The following RUVBL2 variants were observed in gnomAD, a reference collection of about 807,000 sequenced individuals.
The protein encoded by RUVBL2 is RuvB like AAA ATPase 2, also known as ruvB-like 2.
RUVBL2 carries 9 observed loss-of-function variants against 57.9 expected under a neutral mutation model. The ratio of observed to expected loss-of-function variants is 0.16; its 90% CI spans 0.09 to 0.27. The LOEUF (loss-of-function observed/expected upper bound fraction) is 0.27, where lower values mean the gene tolerates loss of function less well. Among genes scored for constraint, RUVBL2 ranks in the 10% least tolerant of loss-of-function variants. The pLI, the probability that RUVBL2 is intolerant of heterozygous loss-of-function variation, is 1.00. For missense variants in RUVBL2, 456 were observed against 669.6 expected (o/e 0.68, Z 3.52); for synonymous variants, 278 against 264.6 (o/e 1.05, Z -0.49).
chr19:49,011,454 G>A lies in RUVBL2; in HGVS notation c.1001+144G>A, dbSNP rs533664020. 3 of 656,718 alleles carry A rather than the reference G, an allele frequency of 4.6e-6. No individual in the cohort carries two copies. Among genetic ancestry groups the A allele is most frequent in the Non-Finnish European group, 7.9e-6 (3 of 377,394 alleles). The allele number at this position is 656,718 out of a possible 1,614,324, so 40.7% of individuals were successfully genotyped here. A position where few individuals can be genotyped will look rare whatever the true frequency, so the allele number is the denominator to read the frequency against. On this transcript the variant is annotated intron_variant, in intron 11 of 14. Coordinates refer to ENST00000595090, the MANE Select transcript of RUVBL2 (RefSeq NM_006666.3). This position sits in a 1 kb window ranked among gnomAD's most constrained non-coding sequence, Gnocchi z 4.4. ...TGCGCTCTTTGCTTACAAAAGGCGG[G>A]TGGGAGGCAGCTCTGCTTCCCGAGG...
In RUVBL2 at chr19:49,010,581, C is replaced by A; in HGVS notation, c.757C>A (p.Arg253Ser). The A allele has an allele frequency of 6.3e-7, 1 of 1,592,366 alleles. No homozygotes were observed. The highest frequency in any genetic ancestry group is 8.6e-7 in the Non-Finnish European group (1 of 1,166,124). The change falls in exon 9 of 15, where the codon CGC becomes AGC. Residue 253 changes from arginine to serine, a missense_variant. Coordinates refer to ENST00000595090, the MANE Select transcript of RUVBL2 (RefSeq NM_006666.3). Reference protein sequence around the residue: ...SLHEIDVINSRTQGFLALFSG... With the variant: ...SLHEIDVINSSTQGFLALFSG... Reference sequence around the variant, plus strand: ...GCACGAGATCGACGTCATCAACTCTCGCACCCAGGGCTTCCTGGCGCTCTT... The same window carrying A: ...GCACGAGATCGACGTCATCAACTCTAGCACCCAGGGCTTCCTGGCGCTCTT...
intron 1 of RUVBL2, among the ~76,000 whole-genome samples, chr19:48,997,345 C>T (rs146591955): frequency 4.1e-4 from 62 of 152,140 alleles, no homozygotes; most frequent in Non-Finnish European, 7.4e-4. Flanking sequence ...CATTCCTGGC[C>T]GGGCGCGGTG....
At chr19:49,010,859 G>C in intron 9 of RUVBL2, 140 bp from the exon 10 acceptor site, 1 of 875,412 alleles carries the variant, frequency 1.1e-6, no homozygotes, top group Non-Finnish European at 1.8e-6. Context: ...CCTCTTTGGG[G>C]ATGTTTCAGG....
intron 11 of RUVBL2, among the ~76,000 whole-genome samples, chr19:49,013,252 GC>G (rs2039471065): frequency 6.6e-6 from 1 of 150,924 alleles, no homozygotes; most frequent in South Asian, 2.1e-4. Context: ...GTGAGTCACC[GC>G]GTCCGGCCTA....
rs1210591910 is a variant in RUVBL2, at chr19:49,011,404, C to A, written c.1001+94C>A. The A allele has an allele frequency of 1.0e-6, 1 of 997,320 alleles. No homozygotes were observed. Among genetic ancestry groups the A allele is most frequent in the Non-Finnish European group, 1.6e-6 (1 of 639,220 alleles). The allele number at this position is 997,320 out of a possible 1,614,324, so 61.8% of individuals were successfully genotyped here. The stretch of plus-strand genomic sequence containing the variant: ...ATGGGAGCCTGTGTTGACACCGGGT[C>A]AGGGAGGGACGCGTGACTGCAGTGT... On this transcript the variant is annotated intron_variant, in intron 11 of 14. Coordinates refer to ENST00000595090, the MANE Select transcript of RUVBL2 (RefSeq NM_006666.3). The surrounding 1 kb of genome is among the most constrained non-coding windows in gnomAD (Gnocchi z 4.4).
chr19:48,996,350 C>T (rs189924577), intron 1 of RUVBL2, among the ~76,000 whole-genome samples: 62 of 152,210 alleles, frequency 4.1e-4, no homozygotes, highest in African/African-American at 1.4e-3. Context: ...AAGACAGAGT[C>T]TCACTCTGTC....
chr19:49,009,683 C>A, intron 6 of RUVBL2, 93 bp from the exon 7 acceptor site: 1 of 1,095,246 alleles, frequency 9.1e-7, no homozygotes, highest in Non-Finnish European at 1.4e-6. Flanking sequence ...AAGCAGAGGC[C>A]AGAGCAGAGC....
rs2039298208 is a variant in RUVBL2 at position 49,007,164 on chromosome 19, A to G, written c.395+17A>G. On this transcript the variant is annotated intron_variant, in intron 5 of 14. Coordinates refer to ENST00000595090, the MANE Select transcript of RUVBL2 (RefSeq NM_006666.3). The stretch of plus-strand genomic sequence containing the variant: ...TCGCATCAAGTAAGCGGGGGACCCG[A>G]GGCGGGTGCCAGACCCCAGAGCCTG... The G allele has an allele frequency of 1.2e-6, 2 of 1,613,096 alleles. No individual in the cohort carries two copies. Among genetic ancestry groups the G allele is most frequent in the Non-Finnish European group, 1.7e-6 (2 of 1,179,740 alleles).
At chr19:48,997,075 C>T (rs2039077035) in intron 1 of RUVBL2, among the ~76,000 whole-genome samples, 2 of 152,006 alleles carry the variant, frequency 1.3e-5, no homozygotes, top group African/African-American at 4.8e-5. Context: ...CAGACTTGTG[C>T]AGCCATTTCC....
intron 6 of RUVBL2, among the ~76,000 whole-genome samples, chr19:49,009,413 G>A (rs2039358387): frequency 6.6e-6 from 1 of 151,780 alleles, no homozygotes; most frequent in Non-Finnish European, 1.5e-5. Flanking sequence ...CGTGAACCCG[G>A]GAGGCAGAGC....
At position 49,011,918 on chromosome 19, in the gene RUVBL2, G is replaced by T. The variant is rs35043430; in HGVS notation, c.1001+608G>T. Reference sequence around the variant, plus strand: ...TGCTGTGCTGAAGCCTGGGAACCTCGTCTCCCAGGTGTTGCCAGCACCCTG... The same window carrying T: ...TGCTGTGCTGAAGCCTGGGAACCTCTTCTCCCAGGTGTTGCCAGCACCCTG... On this transcript the variant is annotated intron_variant, in intron 11 of 14. Transcript: ENST00000595090. The surrounding 1 kb of genome is among the most constrained non-coding windows in gnomAD (Gnocchi z 4.4). Among the ~76,000 whole-genome samples the T allele has an allele frequency of 6.6e-6, 1 of 151,408 alleles. No homozygotes were observed. The highest frequency in any genetic ancestry group is 1.5e-5 in the Non-Finnish European group (1 of 67,800).
chr19:48,998,116 A>G (rs1038276445), intron 1 of RUVBL2, among the ~76,000 whole-genome samples: 1 of 152,194 alleles, frequency 6.6e-6, no homozygotes, highest in African/African-American at 2.4e-5. Flanking sequence ...TCGGGCTCCC[A>G]GGGAGGCCTT....
rs371281828 is a variant in RUVBL2 at position 49,007,478 on chromosome 19, G to A, written c.462+110G>A. 13 of 936,832 alleles carry A rather than the reference G, an allele frequency of 1.4e-5. No individual in the cohort carries two copies. The African/African-American group carries it at 2.0e-4, about 14-fold the overall frequency. 58.0% of individuals were successfully genotyped at this position (936,832 alleles called of 1,614,324 possible). On this transcript the variant is annotated intron_variant, in intron 6 of 14. Coordinates refer to ENST00000595090, the MANE Select transcript of RUVBL2 (RefSeq NM_006666.3). ...CAGAATCCCATGGAATGTTCTAGCT[G>A]CAGACTAGAGCCATGTACATGCCTA...
At chr19:48,996,543 A>G (rs1295140026) in intron 1 of RUVBL2, among the ~76,000 whole-genome samples, 1 of 109,546 alleles carries the variant, frequency 9.1e-6, no homozygotes, top group East Asian at 2.3e-4. Context: ...TGTGTGTGTT[A>G]GTGATAGAGT....
chr19:49,003,170 ACTC>A, intron 2 of RUVBL2, 106 bp from the exon 3 acceptor site: 4 of 712,406 alleles, frequency 5.6e-6, no homozygotes, highest in East Asian at 3.5e-5. Context: ...CCTGCTCCCT[ACTC>A]CCACCCACCC....
intron 1 of RUVBL2, among the ~76,000 whole-genome samples, chr19:48,995,213 G>T (rs535076912): frequency 5.5e-4 from 84 of 152,022 alleles, no homozygotes; most frequent in African/African-American, 2.0e-3. Flanking sequence ...GGGAACAGCG[G>T]GCAGCAAGGT....
At chr19:49,003,163 G>T in intron 2 of RUVBL2, 116 bp from the exon 3 acceptor site, 3 of 701,942 alleles carry the variant, frequency 4.3e-6, no homozygotes, top group Non-Finnish European at 5.2e-6. Flanking sequence ...CCCAACCCCT[G>T]CTCCCTACTC....
chr19:49,011,680 C>T lies in RUVBL2; in HGVS notation c.1001+370C>T, dbSNP rs1448558349. 6.6e-6 allele frequency among the ~76,000 whole-genome samples: 1 copy of T among 152,192 alleles called. No homozygotes were observed. The highest frequency in any genetic ancestry group is 2.1e-4 in the South Asian group (1 of 4,828). On this transcript the variant is annotated intron_variant, in intron 11 of 14. Coordinates refer to ENST00000595090, the MANE Select transcript of RUVBL2 (RefSeq NM_006666.3). This position sits in a 1 kb window ranked among gnomAD's most constrained non-coding sequence, Gnocchi z 4.4. ...ATAAACTACGATTGTTCAGTCACTT[C>T]GACCCAGCAACTCCATTAACAGAAC...
chr19:49,014,906 G>C (rs1480531268), intron 12 of RUVBL2, 115 bp from the exon 13 acceptor site: 1 of 1,382,462 alleles, frequency 7.2e-7, no homozygotes. Flanking sequence ...ATGGTTCTAA[G>C]ATGCAGGCGC....
Sources: allele counts gnomAD v4.1 joint callset (sites outside exome capture counted in the v4.1 genomes callset), GRCh38; gene constraint gnomAD v4.1.1; non-coding constraint Gnocchi (gnomAD v3.1); transcripts MANE v1.5; gene names NCBI Gene and HGNC (gene_info 2026-07-23, HGNC 2026-07-21).